The following MAP3K5 variants were observed in gnomAD, a reference collection of about 807,000 sequenced individuals.
MAP3K5 encodes the protein ASK-1.
Under a neutral mutation model 158.7 loss-of-function variants are expected in MAP3K5, and 56 were observed. The ratio of observed to expected loss-of-function variants is 0.35; its 90% CI spans 0.28 to 0.44. The LOEUF is 0.44. MAP3K5 is among the 20% of genes least tolerant of loss of function. The pLI, the probability that MAP3K5 is intolerant of heterozygous loss-of-function variation, is 1.00. For synonymous variants in MAP3K5, 579 were observed against 601.7 expected (o/e 0.96, Z 0.55); for missense variants, 1,294 against 1,674.8 (o/e 0.77, Z 3.97).
intron 21 of MAP3K5, among the ~76,000 whole-genome samples, chr6:136,596,583 A>G (rs1414007848): frequency 6.6e-6 from 1 of 152,194 alleles, no homozygotes; most frequent in Non-Finnish European, 1.5e-5. Context: ...GCATGTGTAT[A>G]TGGAACTCAC....
At chr6:136,782,719 TTA>T (rs1464191673) in intron 1 of MAP3K5, among the ~76,000 whole-genome samples, 1 of 152,368 alleles carries the variant, frequency 6.6e-6, no homozygotes, top group African/African-American at 2.4e-5. Flanking sequence ...TACTATGATT[TTA>T]TTAAATAGGA....
chr6:136,781,815 C>T (rs757174491), intron 1 of MAP3K5, among the ~76,000 whole-genome samples: 5 of 152,168 alleles, frequency 3.3e-5, no homozygotes, highest in Admixed American at 6.5e-5. Context: ...CAGGCCAAAG[C>T]GGTGGCCCCT....
chr6:136,632,828 C>T lies in MAP3K5; in HGVS notation c.2016+4497G>A, dbSNP rs1236441195. Among the ~76,000 whole-genome samples the T allele has an allele frequency of 2.6e-5, 4 of 152,078 alleles. No individual in the cohort carries two copies. The East Asian group carries it at 7.7e-4, about 29-fold the overall frequency. On this transcript the variant is annotated intron_variant, in intron 14 of 29. Coordinates refer to ENST00000359015, the MANE Select transcript of MAP3K5 (RefSeq NM_005923.4). ...AACAATGGAGACCAAGGCTGGTTAA[C>T]TCTGATCAATTGTTTGATGATTTCA...
chr6:136,739,060 G>A (rs554114315), intron 1 of MAP3K5, among the ~76,000 whole-genome samples: 51 of 152,244 alleles, frequency 3.3e-4, no homozygotes, highest in African/African-American at 1.2e-3. Context: ...GCACACTGTG[G>A]TAAGTGTGTT....
intron 1 of MAP3K5, among the ~76,000 whole-genome samples, chr6:136,790,949 C>T (rs1012553962): frequency 2.6e-5 from 4 of 152,202 alleles, no homozygotes; most frequent in African/African-American, 7.2e-5. Context: ...CTAGCAATCA[C>T]TTTAATGGCG....
At chr6:136,735,163 C>T (rs1379136599) in intron 1 of MAP3K5, among the ~76,000 whole-genome samples, 2 of 152,192 alleles carry the variant, frequency 1.3e-5, no homozygotes, top group Admixed American at 6.5e-5. Flanking sequence ...AGGGAAATAA[C>T]TGTCATTTAT....
chr6:136,718,317 C>T (rs573097147), intron 2 of MAP3K5, among the ~76,000 whole-genome samples: 34 of 152,236 alleles, frequency 2.2e-4, no homozygotes, highest in Non-Finnish European at 4.9e-4. Flanking sequence ...TCAAGAGATT[C>T]TCATGCCTCC....
At position 136,594,431 on chromosome 6, in the gene MAP3K5, G is replaced by A. The variant is rs1775533216; in HGVS notation, c.2879-1817C>T. 2.0e-5 allele frequency among the ~76,000 whole-genome samples: 3 copies of A among 152,300 alleles called. No individual in the cohort carries two copies. In the South Asian group the frequency reaches 6.2e-4, roughly 32 times the overall value. ...GAGTCAACATCTCGCTATTTGGGGG[G>A]AACGGACTTTAGAACAGAAAAAAAT... On this transcript the variant is annotated intron_variant, in intron 21 of 29. Coordinates refer to ENST00000359015, the MANE Select transcript of MAP3K5 (RefSeq NM_005923.4).
At position 136,694,280 on chromosome 6, in the gene MAP3K5, A is replaced by G. The variant is rs1480103218; in HGVS notation, c.1113T>C (p.Ala371=). The change falls in exon 7 of 30, where the codon GCT becomes GCC. Residue 371 remains alanine, a synonymous_variant. Transcript: ENST00000359015. ...GCACCATGGGAATCATAATATCAAGAGCTTTTGCTCTGTCACCAGGGAGAT... is the reference window on the plus strand; with the variant it reads ...GCACCATGGGAATCATAATATCAAGGGCTTTTGCTCTGTCACCAGGGAGAT... ...RRNLPGDRAK[A]LDIMIPMVQS... is the part of the protein sequence containing the mutation. 4 of 1,612,724 alleles carry G rather than the reference A, an allele frequency of 2.5e-6. No homozygotes were observed. The highest frequency in any genetic ancestry group is 3.4e-6 in the Non-Finnish European group (4 of 1,179,900).
At chr6:136,592,895 G>T in intron 21 of MAP3K5, 2 of 479,316 alleles carry the variant, frequency 4.2e-6, no homozygotes, top group Non-Finnish European at 8.0e-6. Flanking sequence ...GTCTACTGAG[G>T]GTCTGATCCC....
At chr6:136,607,162 A>G (rs1333014538) in intron 18 of MAP3K5, among the ~76,000 whole-genome samples, 2 of 152,048 alleles carry the variant, frequency 1.3e-5, no homozygotes, top group African/African-American at 4.8e-5. Context: ...ATAAGCTCAA[A>G]TGGTCTTTTC....
At chr6:136,582,092 A>G (rs1194466987) in intron 24 of MAP3K5, among the ~76,000 whole-genome samples, 1 of 152,162 alleles carries the variant, frequency 6.6e-6, no homozygotes, top group Non-Finnish European at 1.5e-5. Context: ...CAAAAAAAAA[A>G]AAATTTACAT....
intron 1 of MAP3K5, among the ~76,000 whole-genome samples, chr6:136,757,571 A>ATTTTTTTT (rs1562679067): frequency 9.0e-6 from 1 of 111,140 alleles, no homozygotes; most frequent in African/African-American, 3.4e-5. Flanking sequence ...TTATAGATTT[A>ATTTTTTTT]TTTATTTATT....
chr6:136,575,670 T>C (rs1055132438), intron 25 of MAP3K5, among the ~76,000 whole-genome samples: 5 of 152,180 alleles, frequency 3.3e-5, no homozygotes, highest in African/African-American at 1.2e-4. Context: ...CAATGTCTTT[T>C]ATTTGAGGTT....
intron 8 of MAP3K5, among the ~76,000 whole-genome samples, chr6:136,666,283 A>G (rs1779228129): frequency 6.6e-6 from 1 of 152,240 alleles, no homozygotes; most frequent in South Asian, 2.1e-4. Flanking sequence ...ATGACAGTTA[A>G]GAATCATTTC....
In MAP3K5 at chr6:136,792,092, GC is replaced by G; in HGVS notation, c.65del (p.Cys22SerfsTer75). The G allele has an allele frequency of 6.3e-7, 1 of 1,584,150 alleles. No individual in the cohort carries two copies. The highest frequency in any genetic ancestry group is 8.6e-7 in the Non-Finnish European group (1 of 1,168,496). On this transcript the variant is annotated frameshift_variant, in exon 1 of 30. Coordinates refer to ENST00000359015, the MANE Select transcript of MAP3K5 (RefSeq NM_005923.4). LOFTEE classifies it high-confidence loss of function. This position sits in a 1 kb window ranked among gnomAD's most constrained non-coding sequence, Gnocchi z 5.7. ...SVPPFAPSGF[C>X]TIPEGGICRR... ...TGCAGATGCCGCCCTCGGGGATGGTGCAGAAGCCCGAGGGGGCGAAGGGTGG... is the reference window on the plus strand; with the variant it reads ...TGCAGATGCCGCCCTCGGGGATGGTGAGAAGCCCGAGGGGGCGAAGGGTGG...
intron 1 of MAP3K5, among the ~76,000 whole-genome samples, chr6:136,788,989 T>C (rs1447318873): frequency 2.0e-5 from 3 of 152,096 alleles, no homozygotes; most frequent in Non-Finnish European, 4.4e-5. Context: ...AGCTAAACAT[T>C]GGGTACAAGT....
At chr6:136,696,410 G>T (rs1473536279) in intron 5 of MAP3K5, among the ~76,000 whole-genome samples, 2 of 152,138 alleles carry the variant, frequency 1.3e-5, no homozygotes, top group African/African-American at 4.8e-5. Context: ...CAATTTCAGG[G>T]AAATAAAAAT....
At chr6:136,584,971 T>A (rs1775052565) in intron 23 of MAP3K5, among the ~76,000 whole-genome samples, 1 of 152,182 alleles carries the variant, frequency 6.6e-6, no homozygotes, top group African/African-American at 2.4e-5. Flanking sequence ...ATCTCAAACT[T>A]CATTTTTGAA....
Sources: allele counts gnomAD v4.1 joint callset (sites outside exome capture counted in the v4.1 genomes callset), GRCh38; gene constraint gnomAD v4.1.1; non-coding constraint Gnocchi (gnomAD v3.1); transcripts MANE v1.5; gene names NCBI Gene and HGNC (gene_info 2026-07-23, HGNC 2026-07-21).